Variants in DOC2B observed in about 807,000 individuals in gnomAD.
DOC2B encodes the protein double C2-like domain-containing protein beta.
In DOC2B, 21 loss-of-function variants were observed where a neutral mutation model predicts 28.9. The observed-to-expected ratio is 0.73, with a 90% CI of 0.52 to 1.05. DOC2B has a LOEUF of 1.05. Ranked by LOEUF, DOC2B falls within the 50% of genes least tolerant of loss-of-function variation. The probability of loss-of-function intolerance (pLI) is 0.00; values close to 1 mark genes in which losing one functional copy is unlikely to be tolerated. For missense variants in DOC2B, 384 were observed against 421.1 expected, an observed-to-expected ratio of 0.91 and a Z score of 0.77; for synonymous variants, 194 against 178.1, an observed-to-expected ratio of 1.09 and a Z score of -0.71.
chr17:165,061 G>A (rs578193365), intron 2 of DOC2B, among the ~76,000 whole-genome samples: 66 of 152,310 alleles, frequency 4.3e-4, no homozygotes, highest in Non-Finnish European at 7.5e-4. Flanking sequence ...AGCTCTGGGG[G>A]ATGCGGCAGG....
At chr17:164,006 G>T (rs1555523596) in intron 3 of DOC2B, 124 bp downstream of exon 3, 5 of 699,844 alleles carry the variant, frequency 7.1e-6, no homozygotes, top group Non-Finnish European at 9.8e-6. Flanking sequence ...GAGGGGAGTG[G>T]CAGCTGTGGG....
intron 5 of DOC2B, among the ~76,000 whole-genome samples, chr17:159,830 A>G (rs1003957288): frequency 2.0e-5 from 3 of 148,318 alleles, no homozygotes; most frequent in African/African-American, 7.3e-5. Context: ...ACACTGTCGC[A>G]CACAGACACG....
chr17:172,499 CGGGGCAGGGAATTTG>C (rs1366921217), intron 2 of DOC2B, 23 bp downstream of exon 2: 1 of 1,535,492 alleles, frequency 6.5e-7, no homozygotes, highest in Non-Finnish European at 8.8e-7. Context: ...TTGAGGACCC[CGGGGCAGGGAATTTG>C]GGGGCAGGCT....
intron 8 of DOC2B, 145 bp downstream of exon 8, chr17:148,028 G>T: frequency 2.5e-6 from 1 of 396,134 alleles, no homozygotes; most frequent in Non-Finnish European, 4.4e-6. Flanking sequence ...GGGGCACAAG[G>T]GTCAGGCTGG....
At position 145,307 on chromosome 17, in the gene DOC2B, A is replaced by AC. The variant is rs1258189407; in HGVS notation, c.*2133dup. The stretch of plus-strand genomic sequence containing the variant: ...AAGAGGGAAGGGACTGGGGGTACCG[A>AC]CCCCCAGAGAGAGAAAGCGGCAGTC... On this transcript the variant is annotated 3_prime_UTR_variant, in exon 9 of 9. Transcript: ENST00000613549. 6.6e-6 allele frequency: 1 copy of AC among 151,776 alleles called. No homozygotes were observed. The highest frequency in any genetic ancestry group is 2.4e-5 in the African/African-American group (1 of 41,236). The allele number at this position is 151,776 out of a possible 1,614,324, so 9.4% of individuals were successfully genotyped here. A position where few individuals can be genotyped will look rare whatever the true frequency, so the allele number is the denominator to read the frequency against.
chr17:143,942 G>A lies in DOC2B; in HGVS notation c.*3499C>T, dbSNP rs1338988514. The A allele has an allele frequency of 1.3e-5, 2 of 152,518 alleles. No individual in the cohort carries two copies. The highest frequency in any genetic ancestry group is 2.4e-5 in the African/African-American group (1 of 41,524). The allele number at this position is 152,518 out of a possible 1,614,324, so 9.4% of individuals were successfully genotyped here. ...TTCACTCGGTTTGCGAAGGAACAAC[G>A]GGCTCGGCATGCACGGCCCGGGCTC... On this transcript the variant is annotated 3_prime_UTR_variant, in exon 9 of 9. Coordinates refer to ENST00000613549, the MANE Select transcript of DOC2B (RefSeq NM_003585.5).
At chr17:174,831 C>T (rs1043582769) in intron 1 of DOC2B, among the ~76,000 whole-genome samples, 2 of 152,208 alleles carry the variant, frequency 1.3e-5, no homozygotes, top group Non-Finnish European at 1.5e-5. Context: ...AGCCAACAGG[C>T]CTTGAGTGGC....
rs142663159 is a variant in DOC2B, at chr17:173,123, T to C, written c.374-507A>G. On this transcript the variant is annotated intron_variant, in intron 1 of 8. Transcript: ENST00000613549. ...CAGCTCCTCTGTCTCTCTGGCCCGTTGGGAACCCCGAGCAGGCCGTGAGGA... is the reference window on the plus strand; with the variant it reads ...CAGCTCCTCTGTCTCTCTGGCCCGTCGGGAACCCCGAGCAGGCCGTGAGGA... Among the ~76,000 whole-genome samples, 58 of 152,306 alleles carry C rather than the reference T, an allele frequency of 3.8e-4. 1 individual carries two copies. The East Asian group carries it at 0.01, about 27-fold the overall frequency.
intron 2 of DOC2B, among the ~76,000 whole-genome samples, chr17:165,547 G>T (rs990858209): frequency 6.6e-6 from 1 of 151,966 alleles, no homozygotes; most frequent in Admixed American, 6.6e-5. Context: ...GGGCTGGAGT[G>T]AGAGGGAGGG....
intron 6 of DOC2B, among the ~76,000 whole-genome samples, chr17:149,397 C>T (rs1265759248): frequency 1.3e-5 from 2 of 152,138 alleles, no homozygotes; most frequent in Non-Finnish European, 2.9e-5. Flanking sequence ...TCATCCACCG[C>T]ACTTCTGTTC....
Position 181,186 on chromosome 17 carries a change from C to A in DOC2B, c.294G>T (p.Pro98=). Residue 98 remains proline, a synonymous_variant, in exon 1 of 9, where the codon CCG becomes CCT. Transcript: ENST00000613549. This position sits in a 1 kb window ranked among gnomAD's most constrained non-coding sequence, Gnocchi z 7.0. ...CTGGCGGCCGCGCGGGGCTGGGACC[C>A]GGGCTGGGGCCCGGGCTGGAGCCGT... ...GAYGSSPGPS[P]GPSPARPPAK... The A allele has an allele frequency of 3.2e-6, 4 of 1,241,674 alleles. No homozygotes were observed. Among genetic ancestry groups the A allele is most frequent in the Non-Finnish European group, 4.0e-6 (4 of 993,240 alleles). 76.9% of individuals were successfully genotyped at this position (1,241,674 alleles called of 1,614,324 possible). A position where few individuals can be genotyped will look rare whatever the true frequency, so the allele number is the denominator to read the frequency against.
intron 1 of DOC2B, among the ~76,000 whole-genome samples, chr17:180,805 G>A (rs932821756): frequency 7.2e-5 from 11 of 152,072 alleles, no homozygotes; most frequent in African/African-American, 2.4e-4. Context: ...GGGAGGGCGG[G>A]CTGGCAGGGA....
chr17:144,880 G>A lies in DOC2B; in HGVS notation c.*2561C>T, dbSNP rs1030787906. On this transcript the variant is annotated 3_prime_UTR_variant, in exon 9 of 9. Transcript: ENST00000613549. ...AATAAGGAAGTCATGGTAGGTGGGG[G>A]GTACAGCCTCTTCTCGCTTTGCCAT... 1.3e-5 allele frequency: 2 copies of A among 152,190 alleles called. No individual in the cohort carries two copies. Among genetic ancestry groups the A allele is most frequent in the African/African-American group, 4.8e-5 (2 of 41,420 alleles). 9.4% of individuals were successfully genotyped at this position (152,190 alleles called of 1,614,324 possible). A position where few individuals can be genotyped will look rare whatever the true frequency, so the allele number is the denominator to read the frequency against.
intron 6 of DOC2B, 118 bp downstream of exon 6, chr17:156,102 G>T: frequency 8.6e-7 from 1 of 1,161,654 alleles, no homozygotes; most frequent in Non-Finnish European, 1.2e-6. Flanking sequence ...GGAACACAGC[G>T]CCCCTGTACC....
In DOC2B at chr17:181,130, T is replaced by A. The variant is rs1332828601; in HGVS notation, c.350A>T (p.Asp117Val). 1.6e-6 allele frequency: 2 copies of A among 1,253,008 alleles called. No homozygotes were observed. The highest frequency in any genetic ancestry group is 2.0e-6 in the Non-Finnish European group (2 of 999,416). The allele number at this position is 1,253,008 out of a possible 1,614,324, so 77.6% of individuals were successfully genotyped here. A position where few individuals can be genotyped will look rare whatever the true frequency, so the allele number is the denominator to read the frequency against. ...AKPPEDEPDA[D>V]GYESDDCTAL... ...ACTGCAGTCGTCCGACTCGTAGCCG[T>A]CGGCGTCCGGCTCGTCCTCCGGCGG... is the stretch of plus-strand genomic sequence containing the variant. The change falls in exon 1 of 9, where the codon GAC becomes GTC. Residue 117 changes from aspartate (D) to valine (V), a missense_variant. Physicochemically the swap from Asp to Val is radical, Grantham distance 152. Transcript: ENST00000613549. This position sits in a 1 kb window ranked among gnomAD's most constrained non-coding sequence, Gnocchi z 7.0.
intron 5 of DOC2B, among the ~76,000 whole-genome samples, chr17:159,057 A>AAC (rs1555522938): frequency 4.0e-5 from 6 of 150,450 alleles, no homozygotes; most frequent in South Asian, 2.1e-4. Flanking sequence ...AAAAAAAAAA[A>AAC]CAACCAACCA....
rs528358867 is a variant in DOC2B at position 164,224 on chromosome 17, C to T, written c.454-20G>A. 5.8e-5 allele frequency: 89 copies of T among 1,528,284 alleles called. No homozygotes were observed. The highest frequency in any genetic ancestry group is 7.5e-5 in the Non-Finnish European group (85 of 1,126,066). 94.7% of individuals were successfully genotyped at this position (1,528,284 alleles called of 1,614,324 possible). A position where few individuals can be genotyped will look rare whatever the true frequency, so the allele number is the denominator to read the frequency against. ...CAGGCCCTGGGCAGAGAAGAGCAAA[C>T]GGTGTGAACTGGAAATCGGGGACAT... On this transcript the variant is annotated intron_variant, in intron 2 of 8. Transcript: ENST00000613549.
chr17:166,099 C>T (rs141283065), intron 2 of DOC2B, among the ~76,000 whole-genome samples: 2,317 of 152,284 alleles, frequency 0.015, 75 homozygotes, highest in African/African-American at 0.053. Context: ...CTTCAGACCC[C>T]GGGACTGTGA....
intron 6 of DOC2B, among the ~76,000 whole-genome samples, chr17:154,066 C>T (rs141822006): frequency 2.0e-5 from 3 of 152,312 alleles, no homozygotes; most frequent in African/African-American, 2.4e-5. Flanking sequence ...TGGCTTCTCT[C>T]GCTTAGCATC....
Sources: gnomAD v4.1 joint callset for allele counts (sites outside exome capture counted in the v4.1 genomes callset) on GRCh38, gnomAD v4.1.1 for gene constraint, Gnocchi (gnomAD v3.1) non-coding constraint, MANE v1.5 for transcripts, NCBI Gene and HGNC (gene_info 2026-07-23, HGNC 2026-07-21) for gene names.